The following COX7B2 variants were observed in gnomAD, a reference collection of about 807,000 sequenced individuals.
COX7B2 encodes cytochrome c oxidase subunit 7B2, mitochondrial.
For missense variants in COX7B2, 109 were observed against 95.9 expected (o/e 1.14, Z -0.57); for synonymous variants, 37 against 32.1 (o/e 1.15, Z -0.51).
chr4:46,821,334 T>C (rs534621747), intron 2 of COX7B2, among the ~76,000 whole-genome samples: 1 of 152,354 alleles, frequency 6.6e-6, no homozygotes, highest in South Asian at 2.1e-4. Context: ...ATATGGACTC[T>C]ATTTGGCAGC....
chr4:46,814,754 T>C (rs1719461698), intron 2 of COX7B2, among the ~76,000 whole-genome samples: 1 of 152,236 alleles, frequency 6.6e-6, no homozygotes, highest in Non-Finnish European at 1.5e-5. Flanking sequence ...GTTGAAGATA[T>C]TTCAGCATTA....
chr4:46,897,813 G>A (rs1719850866), intron 1 of COX7B2, among the ~76,000 whole-genome samples: 1 of 152,128 alleles, frequency 6.6e-6, no homozygotes. Context: ...CCCCTACCCT[G>A]GGTAATATTT....
intron 2 of COX7B2, among the ~76,000 whole-genome samples, chr4:46,800,236 A>C (rs1207947457): frequency 6.6e-6 from 1 of 152,160 alleles, no homozygotes; most frequent in East Asian, 1.9e-4. Flanking sequence ...CAAACTACCA[A>C]GGACATTGTT....
chr4:46,815,407 T>C (rs1044114602), intron 2 of COX7B2, among the ~76,000 whole-genome samples: 2 of 152,168 alleles, frequency 1.3e-5, no homozygotes, highest in Non-Finnish European at 2.9e-5. Flanking sequence ...TGGCCTGCAG[T>C]GTAATAATTA....
At chr4:46,743,301 A>T (rs1420211491) in intron 2 of COX7B2, among the ~76,000 whole-genome samples, 1 of 152,218 alleles carries the variant, frequency 6.6e-6, no homozygotes, top group African/African-American at 2.4e-5. Flanking sequence ...TCTGCATTCA[A>T]ATCTTCAGCT....
intron 1 of COX7B2, among the ~76,000 whole-genome samples, chr4:46,875,919 C>T (rs536263086): frequency 1.4e-4 from 21 of 152,066 alleles, no homozygotes; most frequent in South Asian, 2.1e-4. Context: ...TATAGCCCAC[C>T]GGTCTTACTT....
intron 1 of COX7B2, among the ~76,000 whole-genome samples, chr4:46,873,752 T>C (rs1291699016): frequency 2.0e-5 from 3 of 152,284 alleles, no homozygotes; most frequent in South Asian, 4.1e-4. Flanking sequence ...ACATGTGCCA[T>C]GTTGGTGTGC....
chr4:46,768,254 G>A (rs1242688993), intron 2 of COX7B2, among the ~76,000 whole-genome samples: 1 of 152,196 alleles, frequency 6.6e-6, no homozygotes, highest in African/African-American at 2.4e-5. Flanking sequence ...GTGGCTCTCA[G>A]CAGGATGGGG....
intron 2 of COX7B2, among the ~76,000 whole-genome samples, chr4:46,752,231 G>T (rs906005491): frequency 2.0e-5 from 3 of 151,942 alleles, no homozygotes; most frequent in African/African-American, 7.3e-5. Flanking sequence ...TCTGTTATTG[G>T]TGTATAAGAA....
At chr4:46,779,539 A>G (rs910388969) in intron 2 of COX7B2, among the ~76,000 whole-genome samples, 3 of 152,122 alleles carry the variant, frequency 2.0e-5, no homozygotes, top group Non-Finnish European at 4.4e-5. Flanking sequence ...TTGGGTATAG[A>G]CCCAGAAGAG....
chr4:46,860,028 A>G (rs1717240740), intron 1 of COX7B2, among the ~76,000 whole-genome samples: 1 of 152,176 alleles, frequency 6.6e-6, no homozygotes, highest in South Asian at 2.1e-4. Context: ...GAGTGAAGCC[A>G]TGAATACTCC....
intron 2 of COX7B2, among the ~76,000 whole-genome samples, chr4:46,772,067 T>TA (rs1219872106): frequency 1.3e-5 from 2 of 151,150 alleles, no homozygotes; most frequent in African/African-American, 4.9e-5. Flanking sequence ...ATAAATATAT[T>TA]AAAAAATGTG....
intron 1 of COX7B2, among the ~76,000 whole-genome samples, chr4:46,890,605 G>A (rs936889721): frequency 2.2e-4 from 34 of 152,322 alleles, no homozygotes; most frequent in African/African-American, 7.5e-4. Context: ...ATTTAGTGAA[G>A]TCTTATCTGA....
At chr4:46,752,016 C>T (rs1715415526) in intron 2 of COX7B2, among the ~76,000 whole-genome samples, 1 of 152,070 alleles carries the variant, frequency 6.6e-6, no homozygotes, top group South Asian at 2.1e-4. Context: ...GGCAGTATGG[C>T]TATTTTCATG....
chr4:46,818,480 CAA>C (rs60319822), intron 2 of COX7B2, among the ~76,000 whole-genome samples: 2 of 151,574 alleles, frequency 1.3e-5, no homozygotes, highest in Non-Finnish European at 2.9e-5. Context: ...AAAAAAAATA[CAA>C]AAAAATTAGC....
At chr4:46,898,901 A>C (rs796546986) in intron 1 of COX7B2, among the ~76,000 whole-genome samples, 5 of 152,260 alleles carry the variant, frequency 3.3e-5, no homozygotes, top group African/African-American at 9.6e-5. Context: ...TCACTGATAG[A>C]ATTAATCAAT....
chr4:46,903,901 T>C (rs1388794860), intron 1 of COX7B2: 1 of 152,216 alleles, frequency 6.6e-6, no homozygotes, highest in Non-Finnish European at 1.5e-5. Context: ...TCAGAACATA[T>C]ATCCTTGCTG....
At chr4:46,735,305 G>A (rs1560340368) in intron 2 of COX7B2, 64 bp from the exon 3 acceptor site, 3 of 1,227,076 alleles carry the variant, frequency 2.4e-6, no homozygotes, top group Non-Finnish European at 3.5e-6. Flanking sequence ...CGCTTTGAAT[G>A]TCTGGCTACA....
intron 2 of COX7B2, among the ~76,000 whole-genome samples, chr4:46,816,123 T>C (rs1719537982): frequency 6.6e-6 from 1 of 152,224 alleles, no homozygotes; most frequent in African/African-American, 2.4e-5. Flanking sequence ...ACTGACATTA[T>C]ACCCTACAAC....
Sources: allele counts gnomAD v4.1 joint callset (sites outside exome capture counted in the v4.1 genomes callset), GRCh38; gene constraint gnomAD v4.1.1; transcripts MANE v1.5; gene names NCBI Gene and HGNC (gene_info 2026-07-23, HGNC 2026-07-21).